The following NINL variants were observed in gnomAD, a reference collection of about 807,000 sequenced individuals.
NINL encodes ninein-like protein.
NINL carries 153 observed loss-of-function variants against 160.3 expected under a neutral mutation model. That is an observed-to-expected ratio of 0.95 (90% CI 0.84 to 1.09). The LOEUF (loss-of-function observed/expected upper bound fraction) is 1.09, where lower values mean the gene tolerates loss of function less well. NINL is among the 50% of genes least tolerant of loss of function. NINL has a pLI of 0.00. For missense variants in NINL, 1,829 were observed against 1,764.0 expected, an observed-to-expected ratio of 1.04 and a Z score of -0.66; for synonymous variants, 800 against 734.8, an observed-to-expected ratio of 1.09 and a Z score of -1.43.
In NINL at chr20:25,461,530, G is replaced by A. The variant is rs1309477818; in HGVS notation, c.3688C>T (p.Gln1230Ter). 6.4e-7 allele frequency: 1 copy of A among 1,566,464 alleles called. No homozygotes were observed. Among genetic ancestry groups the A allele is most frequent in the South Asian group, 1.2e-5 (1 of 82,470 alleles). ...CCATCGCTCACACCCACCTGGTCTTGACTTTCCTCAAGGGTCTGGGTCAGC... is the reference window on the plus strand; with the variant it reads ...CCATCGCTCACACCCACCTGGTCTTAACTTTCCTCAAGGGTCTGGGTCAGC... The part of the protein sequence containing the change: ...SELTQTLEES[Q>*]DQVQGAHLRL... The change falls in exon 21 of 24, where the codon CAA (glutamine) becomes TAA (stop). Residue 1230 changes from glutamine to a stop codon, truncating the protein, a stop_gained. Transcript: ENST00000278886. LOFTEE classifies it high-confidence loss of function.
Position 25,526,422 on chromosome 20 carries a change from C to G in NINL, c.166G>C (p.Asp56His). 6.2e-7 allele frequency: 1 copy of G among 1,611,378 alleles called. No individual in the cohort carries two copies. Among genetic ancestry groups the G allele is most frequent in the Non-Finnish European group, 8.5e-7 (1 of 1,178,006 alleles). ...CCAACACTCACCCTGGCGAAATGGT[C>G]GTTTCCGAGAAGCGTCTGCAGGAGG... Reference protein sequence around the residue: ...PVLLQTLLGNDHFARVNFEEF... With the variant: ...PVLLQTLLGNHHFARVNFEEF... The change falls in exon 2 of 24, where the codon GAC becomes CAC. Residue 56 changes from aspartate (D) to histidine (H), a missense_variant. By Grantham distance (81) the Asp-to-His change is moderately conservative. Coordinates refer to ENST00000278886, the MANE Select transcript of NINL (RefSeq NM_025176.6).
intron 1 of NINL, among the ~76,000 whole-genome samples, chr20:25,584,770 GCTC>G (rs1162840476): frequency 2.0e-5 from 3 of 152,188 alleles, no homozygotes; most frequent in Non-Finnish European, 4.4e-5. Context: ...CCCACACAGA[GCTC>G]CTAACAATGG....
intron 1 of NINL, among the ~76,000 whole-genome samples, chr20:25,554,636 C>CAAAACAAAACAAAAA (rs1195606239): frequency 5.8e-5 from 5 of 85,784 alleles, no homozygotes; most frequent in African/African-American, 2.3e-4. Flanking sequence ...AAAAAAAAAA[C>CAAAACAAAACAAAAA]AAAAAAAAAA....
intron 5 of NINL, among the ~76,000 whole-genome samples, chr20:25,506,911 T>C (rs913454811): frequency 1.3e-5 from 2 of 152,194 alleles, no homozygotes; most frequent in Admixed American, 1.3e-4. Flanking sequence ...TATATATTCT[T>C]ACATCACCGC....
chr20:25,493,854 G>A (rs1018141637), intron 10 of NINL, among the ~76,000 whole-genome samples: 3 of 152,064 alleles, frequency 2.0e-5, no homozygotes, highest in South Asian at 2.1e-4. Flanking sequence ...CATGTGGAGG[G>A]CAAGGGCCCC....
chr20:25,510,484 C>T (rs916055495), intron 5 of NINL, among the ~76,000 whole-genome samples, 190 bp downstream of exon 5: 2 of 152,220 alleles, frequency 1.3e-5, no homozygotes, highest in Admixed American at 6.5e-5. Context: ...GACCGAGTGA[C>T]GGCCTCACTG....
intron 10 of NINL, among the ~76,000 whole-genome samples, chr20:25,495,319 C>T (rs904443963): frequency 3.9e-5 from 6 of 152,194 alleles, no homozygotes; most frequent in Admixed American, 1.3e-4. Flanking sequence ...CTGGGGACTC[C>T]GCAGCACCCC....
chr20:25,496,225 C>T (rs905565824), intron 10 of NINL, among the ~76,000 whole-genome samples: 10 of 152,238 alleles, frequency 6.6e-5, no homozygotes, highest in South Asian at 2.1e-4. Flanking sequence ...CAACTGTCCC[C>T]GCATCGGGGT....
intron 1 of NINL, among the ~76,000 whole-genome samples, chr20:25,578,115 ATT>A (rs79394380): frequency 2.9e-5 from 4 of 137,684 alleles, no homozygotes; most frequent in African/African-American, 2.7e-5. Flanking sequence ...TACAGGCGTG[ATT>A]TTTTTTTTTT....
At chr20:25,457,955 TC>T (rs1568828552) in intron 22 of NINL, among the ~76,000 whole-genome samples, 2 of 152,122 alleles carry the variant, frequency 1.3e-5, no homozygotes, top group Non-Finnish European at 2.9e-5. Flanking sequence ...GTGGGCGGGA[TC>T]CCACCCTCCA....
chr20:25,567,197 T>C (rs1237994214), intron 1 of NINL, among the ~76,000 whole-genome samples: 2 of 152,166 alleles, frequency 1.3e-5, no homozygotes, highest in African/African-American at 4.8e-5. Flanking sequence ...CTTGAAAATA[T>C]TTCAATAGAA....
chr20:25,506,179 T>C (rs1568925658), intron 5 of NINL, among the ~76,000 whole-genome samples: 1 of 152,152 alleles, frequency 6.6e-6, no homozygotes, highest in Non-Finnish European at 1.5e-5. Flanking sequence ...GAGAACTGCA[T>C]GGACCCAAGA....
At chr20:25,489,087 A>T (rs1246115620) in intron 13 of NINL, 157 bp downstream of exon 13, 11 of 707,032 alleles carry the variant, frequency 1.6e-5, no homozygotes, top group African/African-American at 3.5e-5. Flanking sequence ...AGAGCCAGGG[A>T]ACCCTAAGTC....
At chr20:25,502,073 C>T (rs2063879877) in intron 7 of NINL, among the ~76,000 whole-genome samples, 1 of 152,194 alleles carries the variant, frequency 6.6e-6, no homozygotes, top group Admixed American at 6.5e-5. Flanking sequence ...CTTCTGCCTC[C>T]TAGGTTCAAG....
At chr20:25,583,918 G>A (rs1050372352) in intron 1 of NINL, among the ~76,000 whole-genome samples, 5 of 152,066 alleles carry the variant, frequency 3.3e-5, no homozygotes, top group Non-Finnish European at 7.4e-5. Flanking sequence ...AGTGGGAGTT[G>A]ACAATGAGAA....
intron 1 of NINL, among the ~76,000 whole-genome samples, chr20:25,564,737 G>A (rs1263666631): frequency 6.6e-6 from 1 of 151,622 alleles, no homozygotes; most frequent in Non-Finnish European, 1.5e-5. Flanking sequence ...ACAGGTGTGA[G>A]CCATTGCCCC....
At chr20:25,521,897 C>T (rs2064269880) in intron 2 of NINL, among the ~76,000 whole-genome samples, 1 of 152,148 alleles carries the variant, frequency 6.6e-6, no homozygotes, top group African/African-American at 2.4e-5. Context: ...GTGTGCTAAG[C>T]TTACCTCTCT....
chr20:25,525,222 T>C (rs577743667), intron 2 of NINL, among the ~76,000 whole-genome samples: 2 of 152,300 alleles, frequency 1.3e-5, no homozygotes, highest in African/African-American at 4.8e-5. Flanking sequence ...TGAGGCTTCT[T>C]TGAGGAACTA....
chr20:25,455,097 C>T (rs764232658), intron 23 of NINL, among the ~76,000 whole-genome samples: 24 of 152,118 alleles, frequency 1.6e-4, no homozygotes, highest in Admixed American at 1.3e-4. Context: ...TCGGAGTCCC[C>T]CAGACACGAG....
Sources: allele counts gnomAD v4.1 joint callset (sites outside exome capture counted in the v4.1 genomes callset), GRCh38; gene constraint gnomAD v4.1.1; transcripts MANE v1.5; gene names NCBI Gene and HGNC (gene_info 2026-07-23, HGNC 2026-07-21).